The following PTK2 variants were observed in gnomAD, a reference collection of about 807,000 sequenced individuals.
PTK2 encodes focal adhesion kinase 1.
In PTK2, 45 loss-of-function variants were observed where a neutral mutation model predicts 150.1. That is an observed-to-expected ratio of 0.30 (90% CI 0.24 to 0.38). The LOEUF (loss-of-function observed/expected upper bound fraction) is 0.38. Among genes scored for constraint, PTK2 ranks in the 10% least tolerant of loss-of-function variants. The pLI, the probability that PTK2 is intolerant of heterozygous loss-of-function variation, is 1.00. For synonymous variants in PTK2, 432 were observed against 449.2 expected (o/e 0.96, Z 0.48); for missense variants, 919 against 1,307.3 (o/e 0.70, Z 4.58).
At chr8:140,739,321 T>C (rs2100054344) in intron 20 of PTK2, among the ~76,000 whole-genome samples, 2 of 152,162 alleles carry the variant, frequency 1.3e-5, no homozygotes, top group African/African-American at 4.8e-5. Flanking sequence ...AAAATACCAA[T>C]GTCCTTCCCT....
intron 10 of PTK2, among the ~76,000 whole-genome samples, chr8:140,817,123 G>A (rs2100105166): frequency 6.6e-6 from 1 of 152,162 alleles, no homozygotes. Context: ...TTTCTACCAG[G>A]TTCACAGAGT....
At chr8:140,996,377 CGAGAAGATCTA>C (rs1236476477) in intron 1 of PTK2, among the ~76,000 whole-genome samples, 5 of 152,182 alleles carry the variant, frequency 3.3e-5, no homozygotes, top group African/African-American at 1.2e-4. Context: ...AGCAAGTTAT[CGAGAAGATCTA>C]GCTAAGATCA....
At chr8:140,921,208 T>C (rs2100167277) in intron 2 of PTK2, 1 of 926,190 alleles carries the variant, frequency 1.1e-6, no homozygotes, top group Non-Finnish European at 1.4e-6. Context: ...ACCCCATGGC[T>C]CTGTGTTCCT....
At chr8:140,773,232 T>C (rs530717353) in intron 14 of PTK2, among the ~76,000 whole-genome samples, 63 of 152,368 alleles carry the variant, frequency 4.1e-4, no homozygotes, top group Non-Finnish European at 7.2e-4. Context: ...TTAGGACTTT[T>C]ATTGTATTCA....
At chr8:140,813,098 G>A (rs572210005) in intron 10 of PTK2, among the ~76,000 whole-genome samples, 2 of 152,108 alleles carry the variant, frequency 1.3e-5, no homozygotes, top group South Asian at 2.1e-4. Context: ...ATCACCATAC[G>A]GCACATACTC....
intron 14 of PTK2, among the ~76,000 whole-genome samples, chr8:140,787,114 A>C (rs776204121): frequency 9.9e-5 from 15 of 152,192 alleles, no homozygotes; most frequent in Non-Finnish European, 1.5e-5. Flanking sequence ...TGCCTATTTA[A>C]ATCAACATGG....
At chr8:140,988,548 T>C (rs991944641) in intron 1 of PTK2, among the ~76,000 whole-genome samples, 4 of 151,882 alleles carry the variant, frequency 2.6e-5, no homozygotes, top group Admixed American at 6.5e-5. Flanking sequence ...GCTAACACAG[T>C]AAAACTCCAT....
At chr8:140,972,211 T>C (rs768985801) in intron 1 of PTK2, among the ~76,000 whole-genome samples, 1 of 152,270 alleles carries the variant, frequency 6.6e-6, no homozygotes, top group African/African-American at 2.4e-5. Context: ...TTCCTCTCAT[T>C]AGACCTGTAT....
intron 2 of PTK2, chr8:140,908,978 T>C (rs1335001257): frequency 6.6e-6 from 1 of 152,202 alleles, no homozygotes; most frequent in African/African-American, 2.4e-5. Flanking sequence ...CACTCTGGGA[T>C]GTCAGGAGTT....
intron 27 of PTK2, among the ~76,000 whole-genome samples, chr8:140,676,163 G>T (rs2100013517): frequency 6.6e-6 from 1 of 152,018 alleles, no homozygotes; most frequent in Non-Finnish European, 1.5e-5. Flanking sequence ...ATAACCTTAG[G>T]TCAGGAGTTC....
At chr8:140,733,822 G>A (rs937481670) in intron 22 of PTK2, among the ~76,000 whole-genome samples, 9 of 152,176 alleles carry the variant, frequency 5.9e-5, no homozygotes, top group Admixed American at 5.9e-4. Context: ...CCAGGCCGGT[G>A]TGTGAGAGTT....
chr8:140,824,640 T>C (rs561860979), intron 8 of PTK2, among the ~76,000 whole-genome samples: 1 of 152,336 alleles, frequency 6.6e-6, no homozygotes, highest in Admixed American at 6.5e-5. Flanking sequence ...AACTCCAAAA[T>C]CAGTTTTTAC....
At chr8:140,794,020 G>A (rs1184534994) in intron 12 of PTK2, among the ~76,000 whole-genome samples, 2 of 152,180 alleles carry the variant, frequency 1.3e-5, no homozygotes, top group Non-Finnish European at 2.9e-5. Context: ...AATGGTGAGG[G>A]AAACGCTTTC....
chr8:140,839,600 A>C (rs961471780), intron 7 of PTK2, among the ~76,000 whole-genome samples: 2 of 152,242 alleles, frequency 1.3e-5, no homozygotes, highest in African/African-American at 4.8e-5. Context: ...GAATGAAAAA[A>C]ACAATGAACA....
At chr8:140,722,107 G>A (rs2100043226) in intron 22 of PTK2, among the ~76,000 whole-genome samples, 2 of 152,190 alleles carry the variant, frequency 1.3e-5, no homozygotes, top group Admixed American at 6.5e-5. Flanking sequence ...GTGAAGAAGA[G>A]CACATTACCA....
chr8:140,776,723 A>G (rs773929524), intron 14 of PTK2, among the ~76,000 whole-genome samples: 1 of 152,198 alleles, frequency 6.6e-6, no homozygotes, highest in Non-Finnish European at 1.5e-5. Context: ...CAGATTCCAC[A>G]TGGCGAGAAC....
At chr8:140,978,357 T>C (rs2100190106) in intron 1 of PTK2, among the ~76,000 whole-genome samples, 1 of 152,088 alleles carries the variant, frequency 6.6e-6, no homozygotes, top group Non-Finnish European at 1.5e-5. Context: ...TGCAATCTAC[T>C]CATCTGACAA....
chr8:140,997,324 G>A (rs1397282637), intron 1 of PTK2, among the ~76,000 whole-genome samples: 3 of 152,238 alleles, frequency 2.0e-5, no homozygotes, highest in Non-Finnish European at 2.9e-5. Context: ...TGACAACAAA[G>A]GATCTAGAAT....
In PTK2 at chr8:140,832,557, T is replaced by C. The variant is rs113522950; in HGVS notation, c.594-2031A>G. ...TCTGCCTTAGAAGAAAGCACTGCTGTCTGGACAGCTTCTGGTCCACATGCC... is the reference window on the plus strand; with the variant it reads ...TCTGCCTTAGAAGAAAGCACTGCTGCCTGGACAGCTTCTGGTCCACATGCC... On this transcript the variant is annotated intron_variant, in intron 7 of 31. Transcript: ENST00000522684. 2.7e-3 allele frequency among the ~76,000 whole-genome samples: 405 copies of C among 152,282 alleles called. 3 individuals carry two copies. The highest frequency in any genetic ancestry group is 9.2e-3 in the African/African-American group (384 of 41,542).
Sources: allele counts gnomAD v4.1 joint callset (sites outside exome capture counted in the v4.1 genomes callset), GRCh38; gene constraint gnomAD v4.1.1; transcripts MANE v1.5; gene names NCBI Gene and HGNC (gene_info 2026-07-23, HGNC 2026-07-21).